Variants in DIPK1C observed in about 807,000 individuals in gnomAD.
The protein encoded by DIPK1C is familial non-conventional Alzheimer's dementia.
In DIPK1C, 33 loss-of-function variants were observed where a neutral mutation model predicts 28.0. That is an observed-to-expected ratio of 1.18 (90% CI 0.89 to 1.58). The LOEUF is 1.58. Among genes scored for constraint, DIPK1C ranks in the 40% most tolerant of loss-of-function variants. The probability of loss-of-function intolerance (pLI) is 0.00; values close to 1 mark genes in which losing one functional copy is unlikely to be tolerated. For missense variants in DIPK1C, 569 were observed against 568.5 expected, an observed-to-expected ratio of 1.00 and a Z score of -0.01; for synonymous variants, 255 against 248.8, an observed-to-expected ratio of 1.02 and a Z score of -0.23.
intron 3 of DIPK1C, among the ~76,000 whole-genome samples, chr18:74,437,416 A>G (rs1287113400): frequency 6.6e-6 from 1 of 152,184 alleles, no homozygotes. Flanking sequence ...GCTGAGGATC[A>G]CTAGAAATTT....
rs139260613 is a variant in DIPK1C, at chr18:74,449,836, T to C, written c.199-2553A>G. The stretch of plus-strand genomic sequence containing the variant: ...GAGTTGTGCACCTCCTGTGTTCATC[T>C]TGGAATTGAACTCAACAGAATCTTG... On this transcript the variant is annotated intron_variant, in intron 1 of 3. Transcript: ENST00000343998. 2.5e-3 allele frequency among the ~76,000 whole-genome samples: 387 copies of C among 152,326 alleles called. 3 individuals carry two copies. Among genetic ancestry groups the C allele is most frequent in the African/African-American group, 9.0e-3 (376 of 41,578 alleles).
At chr18:74,454,962 C>G (rs952522630) in intron 1 of DIPK1C, among the ~76,000 whole-genome samples, 3 of 152,148 alleles carry the variant, frequency 2.0e-5, no homozygotes, top group African/African-American at 7.2e-5. Context: ...TCTGCTCCCC[C>G]ACAAACCAGT....
At chr18:74,461,455 TAC>T (rs1160261474), upstream of DIPK1C, among the ~76,000 whole-genome samples, 1 of 150,542 alleles carries the variant, frequency 6.6e-6, no homozygotes, top group Non-Finnish European at 1.5e-5. Context: ...CAGGCTGGAG[TAC>T]AGTGCTGTGA....
At chr18:74,445,758 G>A (rs181935561) in intron 2 of DIPK1C, among the ~76,000 whole-genome samples, 10 of 152,336 alleles carry the variant, frequency 6.6e-5, no homozygotes, top group Non-Finnish European at 8.8e-5. Context: ...TGGGGGAGCA[G>A]AGCACTCCGC....
intron 1 of DIPK1C, among the ~76,000 whole-genome samples, chr18:74,451,839 AAG>A (rs1308579007): frequency 2.6e-5 from 4 of 152,172 alleles, no homozygotes; most frequent in African/African-American, 9.7e-5. Flanking sequence ...CGCTTGTCCT[AAG>A]AGAGCATTAA....
chr18:74,443,072 G>A (rs570284223), intron 2 of DIPK1C, among the ~76,000 whole-genome samples: 4 of 152,272 alleles, frequency 2.6e-5, no homozygotes, highest in African/African-American at 9.6e-5. Context: ...ATCGAATTAG[G>A]ACTGATACGC....
chr18:74,454,356 C>T (rs1986460271), intron 1 of DIPK1C, among the ~76,000 whole-genome samples: 1 of 152,186 alleles, frequency 6.6e-6, no homozygotes, highest in East Asian at 1.9e-4. Flanking sequence ...CATCCCCTGA[C>T]TCGTCCCTAA....
At chr18:74,443,218 A>T (rs7228492) in intron 2 of DIPK1C, among the ~76,000 whole-genome samples, 21,805 of 152,188 alleles carry the variant, frequency 0.14, 1,782 homozygotes, top group Middle Eastern at 0.19. Context: ...CTTCTAAATT[A>T]TGCAGCTCTT....
chr18:74,448,064 GGACCTGGC>G (rs1986313735), intron 1 of DIPK1C, among the ~76,000 whole-genome samples: 1 of 152,108 alleles, frequency 6.6e-6, no homozygotes, highest in African/African-American at 2.4e-5. Flanking sequence ...AGCCACTAGG[GGACCTGGC>G]GACCTTCCCC....
chr18:74,452,473 G>A (rs959844453), intron 1 of DIPK1C, among the ~76,000 whole-genome samples: 16 of 152,116 alleles, frequency 1.1e-4, no homozygotes, highest in African/African-American at 3.9e-4. Context: ...GCCAGGCACA[G>A]TGGATCATGC....
upstream of DIPK1C, among the ~76,000 whole-genome samples, chr18:74,460,077 G>A (rs1986594227): frequency 6.6e-6 from 1 of 152,210 alleles, no homozygotes; most frequent in African/African-American, 2.4e-5. Context: ...AGGCTCTGAG[G>A]ATGTGGTGGC....
chr18:74,439,075 T>C (rs1161648598), intron 3 of DIPK1C, among the ~76,000 whole-genome samples: 1 of 152,068 alleles, frequency 6.6e-6, no homozygotes, highest in Non-Finnish European at 1.5e-5. Flanking sequence ...TGCTCCTTTT[T>C]TTTGTAATTT....
upstream of DIPK1C, among the ~76,000 whole-genome samples, chr18:74,461,680 T>C (rs1051899618): frequency 6.6e-6 from 1 of 151,980 alleles, no homozygotes; most frequent in African/African-American, 2.4e-5. Context: ...ATGCCTCCTT[T>C]ATAAGGGCAG....
intron 3 of DIPK1C, 35 bp from the exon 4 acceptor site, chr18:74,436,754 C>A (rs1418169076): frequency 6.5e-7 from 1 of 1,549,128 alleles, no homozygotes; most frequent in African/African-American, 1.4e-5. Flanking sequence ...TAATTTAGGG[C>A]AGCAAATCCT....
In DIPK1C at chr18:74,442,780, T is replaced by A. The variant is rs565719615; in HGVS notation, c.877-664A>T. On this transcript the variant is annotated intron_variant, in intron 2 of 3. Transcript: ENST00000343998. ...TTAGACACTTTCTCAGCTTTGCAAG[T>A]AGAATCTCTGAGAGGCGTTATACAT... Among the ~76,000 whole-genome samples the A allele has an allele frequency of 1.7e-3, 258 of 152,348 alleles. 2 individuals are homozygous for A. Among genetic ancestry groups the A allele is most frequent in the Non-Finnish European group, 2.9e-3 (199 of 68,030 alleles).
intron 1 of DIPK1C, among the ~76,000 whole-genome samples, chr18:74,448,011 C>T (rs576967496): frequency 4.6e-5 from 7 of 152,174 alleles, no homozygotes; most frequent in Admixed American, 4.6e-4. Context: ...CAGGAGCCCC[C>T]GGATGGGGTG....
At position 74,447,014 on chromosome 18, in the gene DIPK1C, C is replaced by T; in HGVS notation, c.468G>A (p.Lys156=). 2 of 1,544,852 alleles carry T rather than the reference C, an allele frequency of 1.3e-6. No homozygotes were observed. The highest frequency in any genetic ancestry group is 1.7e-6 in the Non-Finnish European group (2 of 1,143,172). Residue 156 remains lysine (K), a synonymous_variant, in exon 2 of 4, where the codon AAG becomes AAA. Transcript: ENST00000343998. This position sits in a 1 kb window ranked among gnomAD's most constrained non-coding sequence, Gnocchi z 4.1. ...ELLLMVAGEV[K]SALGLELSNS... is the part of the protein sequence containing the mutation. ...TGGACAACTCCAGGCCCAGAGCGCT[C>T]TTGACCTCCCCAGCCACCATCAGGA...
At position 74,449,939 on chromosome 18, in the gene DIPK1C, C is replaced by T. The variant is rs935252478; in HGVS notation, c.199-2656G>A. On this transcript the variant is annotated intron_variant, in intron 1 of 3. Transcript: ENST00000343998. ...GTCATGAAAGGTGCATGGGAGGATC[C>T]GGACCCTTTGCGCCCAGCATGCTTT... Among the ~76,000 whole-genome samples the T allele has an allele frequency of 3.3e-5, 5 of 152,152 alleles. No individual in the cohort carries two copies. The South Asian group carries it at 6.2e-4, about 19-fold the overall frequency.
intron 1 of DIPK1C, among the ~76,000 whole-genome samples, chr18:74,453,078 C>T (rs1986433566): frequency 1.3e-5 from 2 of 152,194 alleles, no homozygotes; most frequent in East Asian, 1.9e-4. Flanking sequence ...AAAATATCTA[C>T]ATTGATGCAC....
Sources: gnomAD v4.1 joint callset for allele counts (sites outside exome capture counted in the v4.1 genomes callset) on GRCh38, gnomAD v4.1.1 for gene constraint, Gnocchi (gnomAD v3.1) non-coding constraint, MANE v1.5 for transcripts, NCBI Gene and HGNC (gene_info 2026-07-23, HGNC 2026-07-21) for gene names.